The following NBPF20 variants were observed in gnomAD, a reference collection of about 807,000 sequenced individuals.
NBPF20 encodes the protein NBPF member 20, also known as NBPF family member NBPF20.
Under a neutral mutation model 68.1 loss-of-function variants are expected in NBPF20, and 90 were observed. That is an observed-to-expected ratio of 1.32 (90% CI 1.11 to 1.58). The LOEUF (loss-of-function observed/expected upper bound fraction) is 1.58. Among genes scored for constraint, NBPF20 ranks in the 40% most tolerant of loss-of-function variants. The pLI is 0.00. For missense variants in NBPF20, 816 were observed against 601.2 expected (o/e 1.36, Z -3.74); for synonymous variants, 290 against 228.1 (o/e 1.27, Z -2.45).
intron 10 of NBPF20, 39 bp downstream of exon 15, chr1:145,393,035 C>T: frequency 4.2e-6 from 2 of 472,962 alleles, no homozygotes; most frequent in South Asian, 2.1e-5. Context: ...AACCAGAAGA[C>T]TCAGTGGATC....
At chr1:145,407,583 A>G (rs1662857993), upstream of NBPF20, among the ~76,000 whole-genome samples, 1 of 146,826 alleles carries the variant, frequency 6.8e-6, no homozygotes, top group Admixed American at 6.8e-5. Context: ...GTGTATATAT[A>G]TATTATATAT....
chr1:145,366,296 T>C, exon 44 of NBPF20: 2 of 107,994 alleles, frequency 1.9e-5, no homozygotes, highest in Non-Finnish European at 3.0e-5. Flanking sequence ...ATAACATCTA[T>C]CCAGTGAGTC....
At chr1:145,290,169 A>ATAAT (rs1553656939) in exon 138 of NBPF20, 1 of 148,224 alleles carries the variant, frequency 6.7e-6, no homozygotes, top group African/African-American at 2.5e-5. Context: ...TATGAATATA[A>ATAAT]TAATAGACAC....
the NBPF20 span, among the ~76,000 whole-genome samples, chr1:145,416,015 C>T: frequency 6.7e-6 from 1 of 149,732 alleles, no homozygotes; most frequent in Non-Finnish European, 1.5e-5. Flanking sequence ...CCTGTAATCC[C>T]AGCTATTCAG....
chr1:145,393,751 A>T (rs1282014333), intron 9 of NBPF20, 133 bp downstream of exon 14: 6 of 1,513,298 alleles, frequency 4.0e-6, no homozygotes, highest in African/African-American at 2.7e-5. Flanking sequence ...AGAACCAGAA[A>T]GCAATGTAGT....
At chr1:145,393,911 T>A in exon 9 of NBPF20, 3 of 1,509,366 alleles carry the variant, frequency 2.0e-6, no homozygotes, top group East Asian at 4.5e-5. Context: ...TTGGTCCTCC[T>A]TTTTCACTTG....
chr1:145,402,465 T>A, intron 3 of NBPF20, 84 bp from the exon 9 acceptor site: 1 of 1,506,954 alleles, frequency 6.6e-7, no homozygotes, highest in East Asian at 2.3e-5. Flanking sequence ...TCTGAGATAA[T>A]GTCCTCAAGG....
intron 83 of NBPF20, among the ~76,000 whole-genome samples, chr1:145,334,966 G>C (rs1189971086): frequency 1.9e-4 from 15 of 79,080 alleles, no homozygotes; most frequent in South Asian, 1.2e-3. Context: ...ATCATGAAAA[G>C]AGTGGGCTCA....
the NBPF20 span, among the ~76,000 whole-genome samples, chr1:145,423,869 T>C: frequency 6.6e-6 from 1 of 152,074 alleles, no homozygotes; most frequent in South Asian, 2.1e-4. Flanking sequence ...TTATCATTCA[T>C]ATACCTCTAA....
At position 145,291,972 on chromosome 1, in the gene NBPF20, G is replaced by C. The variant is rs1345651409; in HGVS notation, c.16698-203C>G. On this transcript the variant is annotated intron_variant, in intron 137 of 137. Transcript: ENST00000369373. ...ACAATGAAAGAGAAAGACAGAGAGA[G>C]AGAGACAGAGACAGAGAGAGAGAGA... Among the ~76,000 whole-genome samples the C allele has an allele frequency of 3.3e-5, 5 of 150,490 alleles. No homozygotes were observed. The South Asian group carries it at 6.2e-4, about 19-fold the overall frequency.
chr1:145,397,375 A>T (rs1291850505), intron 7 of NBPF20, among the ~76,000 whole-genome samples: 28 of 152,236 alleles, frequency 1.8e-4, no homozygotes, highest in Admixed American at 1.8e-3. Flanking sequence ...ACTAGTTTAC[A>T]GTCCCACCAA....
At chr1:145,425,386 G>GT in the NBPF20 span, among the ~76,000 whole-genome samples, 2 of 152,040 alleles carry the variant, frequency 1.3e-5, no homozygotes, top group Non-Finnish European at 2.9e-5. Context: ...GCTGTAAACC[G>GT]TAACTTCCCA....
chr1:145,405,221 G>C (rs1553666849), exon 2 of NBPF20: 1 of 1,611,350 alleles, frequency 6.2e-7, no homozygotes, highest in Non-Finnish European at 8.5e-7. Context: ...TTGATTTCTA[G>C]AATGTTCATC....
chr1:145,418,142 CT>C, the NBPF20 span, among the ~76,000 whole-genome samples: 1 of 139,280 alleles, frequency 7.2e-6, no homozygotes, highest in Non-Finnish European at 1.6e-5. Flanking sequence ...CTAGGACATT[CT>C]TGGAAAGTCA....
the NBPF20 span, among the ~76,000 whole-genome samples, chr1:145,422,688 G>A: frequency 1.5e-4 from 23 of 152,164 alleles, no homozygotes; most frequent in Admixed American, 6.5e-4. Context: ...ACACATCCAC[G>A]TAGTAAAAAG....
intron 7 of NBPF20, 86 bp from the exon 13 acceptor site, chr1:145,395,227 A>ACAGAATGGAGTGGTCACAGAAAC (rs1662166162): frequency 1.2e-6 from 1 of 847,840 alleles, no homozygotes. Context: ...CTGATGGGAG[A>ACAGAATGGAGTGGTCACAGAAAC]CAGAATGGAG....
chr1:145,421,895 G>A, the NBPF20 span, among the ~76,000 whole-genome samples: 18 of 152,016 alleles, frequency 1.2e-4, no homozygotes, highest in South Asian at 2.7e-3. Flanking sequence ...AAAATTAGCC[G>A]GGCATAGTGG....
At chr1:145,393,483 A>ACACT (rs1394035613) in intron 9 of NBPF20, among the ~76,000 whole-genome samples, 1 of 151,888 alleles carries the variant, frequency 6.6e-6, no homozygotes, top group East Asian at 1.9e-4. Context: ...ACACACACAC[A>ACACT]CACACACAGA....
the NBPF20 span, among the ~76,000 whole-genome samples, chr1:145,410,903 GTT>G: frequency 8.2e-6 from 1 of 121,782 alleles, no homozygotes; most frequent in Non-Finnish European, 1.6e-5. Context: ...ACACACACAC[GTT>G]TGTGTGTGTG....
Sources: gnomAD v4.1 joint callset for allele counts (sites outside exome capture counted in the v4.1 genomes callset) on GRCh38, gnomAD v4.1.1 for gene constraint, MANE v1.5 for transcripts, NCBI Gene and HGNC (gene_info 2026-07-23, HGNC 2026-07-21) for gene names.